GLT1D1: variants seen among roughly 807,000 people sequenced by gnomAD.
The protein encoded by GLT1D1 is glycosyltransferase 1 domain-containing protein 1.
A neutral mutation model predicts 28.7 loss-of-function variants in GLT1D1; 21 were observed. The observed-to-expected ratio is 0.73, with a 90% confidence interval of 0.52 to 1.05. The LOEUF (loss-of-function observed/expected upper bound fraction) is 1.05. Ranked by LOEUF, GLT1D1 falls within the 50% of genes least tolerant of loss-of-function variation. The pLI is 0.00. For synonymous variants in GLT1D1, 147 were observed against 124.8 expected (o/e 1.18, Z -1.19); for missense variants, 343 against 330.6 (o/e 1.04, Z -0.29).
intron 4 of GLT1D1, among the ~76,000 whole-genome samples, chr12:128,928,040 A>G (rs182395993): frequency 6.6e-6 from 1 of 151,544 alleles, no homozygotes; most frequent in East Asian, 1.9e-4. Flanking sequence ...AAAGAATAGA[A>G]AAAAAGAAAA....
At chr12:128,921,498 T>C (rs1872650413) in intron 4 of GLT1D1, among the ~76,000 whole-genome samples, 1 of 151,776 alleles carries the variant, frequency 6.6e-6, no homozygotes, top group Non-Finnish European at 1.5e-5. Context: ...AAACTCTATG[T>C]CTATGTATGT....
At chr12:128,857,319 T>C (rs1324856972) in intron 1 of GLT1D1, among the ~76,000 whole-genome samples, 1 of 152,216 alleles carries the variant, frequency 6.6e-6, no homozygotes, top group Admixed American at 6.5e-5. Flanking sequence ...AAGGTTGACT[T>C]CAGCTAAACT....
intron 2 of GLT1D1, among the ~76,000 whole-genome samples, chr12:128,879,493 T>C (rs142358728): frequency 0.014 from 2,052 of 146,210 alleles, 132 homozygotes; most frequent in Admixed American, 0.09. Context: ...TCTCACTCTG[T>C]GGCCCAGGCT....
chr12:128,909,891 C>T (rs567518488), intron 4 of GLT1D1, among the ~76,000 whole-genome samples: 50 of 152,258 alleles, frequency 3.3e-4, no homozygotes, highest in African/African-American at 1.2e-3. Flanking sequence ...CAAGGCAGGC[C>T]GTACACAAGG....
intron 2 of GLT1D1, among the ~76,000 whole-genome samples, chr12:128,886,238 G>A (rs1470070171): frequency 2.6e-5 from 4 of 152,130 alleles, no homozygotes; most frequent in African/African-American, 7.2e-5. Context: ...TGCCAGTTGG[G>A]TATGTCGTTA....
At chr12:128,966,921 A>AT (rs1386064737) in intron 7 of GLT1D1, among the ~76,000 whole-genome samples, 36 of 152,224 alleles carry the variant, frequency 2.4e-4, no homozygotes, top group African/African-American at 7.5e-4. Flanking sequence ...CTAAAGATTG[A>AT]TTTTTTCTTT....
intron 4 of GLT1D1, among the ~76,000 whole-genome samples, chr12:128,903,321 G>T (rs1030402395): frequency 6.6e-6 from 1 of 151,618 alleles, no homozygotes; most frequent in Non-Finnish European, 1.5e-5. Flanking sequence ...TTTTAGGCTC[G>T]GCAGGAAGAG....
At chr12:128,912,375 A>T (rs772249804) in intron 4 of GLT1D1, 49 bp from the exon 5 acceptor site, 1 of 1,273,350 alleles carries the variant, frequency 7.9e-7, no homozygotes. Context: ...AGCAGTTGTC[A>T]TGCACTGTCC....
chr12:128,863,546 AT>A (rs1246647354), intron 1 of GLT1D1, among the ~76,000 whole-genome samples: 1 of 145,348 alleles, frequency 6.9e-6, no homozygotes, highest in Non-Finnish European at 1.5e-5. Flanking sequence ...CTAATTTGGT[AT>A]TTTTTTAGTA....
chr12:128,936,641 G>A (rs1371996535), intron 4 of GLT1D1, among the ~76,000 whole-genome samples: 1 of 152,152 alleles, frequency 6.6e-6, no homozygotes, highest in Admixed American at 6.5e-5. Context: ...ATTTTCTGGT[G>A]CTCTTTGATA....
intron 4 of GLT1D1, among the ~76,000 whole-genome samples, chr12:128,909,487 T>C (rs762459222): frequency 6.6e-6 from 1 of 152,238 alleles, no homozygotes; most frequent in Non-Finnish European, 1.5e-5. Flanking sequence ...TTAAGCAGTT[T>C]GTAATCGTTT....
At chr12:128,926,301 G>A in intron 4 of GLT1D1, 58 bp from the exon 7 acceptor site, 2 of 791,838 alleles carry the variant, frequency 2.5e-6, no homozygotes, top group Non-Finnish European at 4.1e-6. Flanking sequence ...TGATGTCATT[G>A]CTACTGCAGC....
chr12:128,882,117 T>C (rs1263829479), intron 2 of GLT1D1, among the ~76,000 whole-genome samples: 2 of 152,166 alleles, frequency 1.3e-5, no homozygotes, highest in Non-Finnish European at 2.9e-5. Context: ...AGTAAAACCT[T>C]AACAGCTTGG....
intron 4 of GLT1D1, among the ~76,000 whole-genome samples, chr12:128,937,874 CTG>C (rs1874724828): frequency 6.6e-6 from 1 of 152,140 alleles, no homozygotes; most frequent in African/African-American, 2.4e-5. Flanking sequence ...CCCTTTGGAG[CTG>C]TGAGTCAAGT....
intron 7 of GLT1D1, among the ~76,000 whole-genome samples, chr12:128,967,773 T>G (rs1205465918): frequency 6.6e-6 from 1 of 152,258 alleles, no homozygotes; most frequent in Non-Finnish European, 1.5e-5. Flanking sequence ...TTCTCTCTTA[T>G]GTTTTAAAAG....
chr12:128,974,097 G>C (rs1175337900), intron 7 of GLT1D1, among the ~76,000 whole-genome samples: 1 of 152,084 alleles, frequency 6.6e-6, no homozygotes, highest in East Asian at 1.9e-4. Context: ...CCCATCTCTT[G>C]ATCTGTGCGT....
At position 128,874,120 on chromosome 12, in the gene GLT1D1, C is replaced by CCCTTTCTTTCTTTCTTTCTT. The variant is rs1555261631; in HGVS notation, c.69-1794_69-1793insCCTTTCTTTCTTTCTTTCTT. ...TCTTTCTCTCTCTCTCTCTCTCTCT[C>CCCTTTCTTTCTTTCTTTCTT]TCTCTCTTTCTTTCTTTCTTTCTTT... On this transcript the variant is annotated intron_variant, in intron 1 of 7. Coordinates refer to ENST00000281703, the MANE Select transcript of GLT1D1 (RefSeq NM_144669.3). Among the ~76,000 whole-genome samples the CCCTTTCTTTCTTTCTTTCTT allele has an allele frequency of 8.1e-4, 43 of 52,780 alleles. 2 individuals carry two copies. The highest frequency in any genetic ancestry group is 3.3e-3 in the African/African-American group (38 of 11,352). 34.6% of individuals were successfully genotyped at this position (52,780 alleles called of 152,430 possible). A position where few individuals can be genotyped will look rare whatever the true frequency, so the allele number is the denominator to read the frequency against.
At chr12:128,883,805 C>T (rs1159953708) in intron 2 of GLT1D1, among the ~76,000 whole-genome samples, 1 of 152,036 alleles carries the variant, frequency 6.6e-6, no homozygotes, top group Non-Finnish European at 1.5e-5. Flanking sequence ...CTTTGAGGAC[C>T]TAACTTTGAG....
chr12:128,875,758 C>A (rs950822390), intron 1 of GLT1D1, among the ~76,000 whole-genome samples, 156 bp from the exon 2 acceptor site: 7 of 151,950 alleles, frequency 4.6e-5, no homozygotes, highest in Non-Finnish European at 8.8e-5. Flanking sequence ...TGAGACTGCA[C>A]CATTGCTCCC....
Sources: gnomAD v4.1 joint callset for allele counts (sites outside exome capture counted in the v4.1 genomes callset) on GRCh38, gnomAD v4.1.1 for gene constraint, MANE v1.5 for transcripts, NCBI Gene and HGNC (gene_info 2026-07-23, HGNC 2026-07-21) for gene names.